Variants in TMC2 observed in about 807,000 individuals in gnomAD.
The protein encoded by TMC2 is transmembrane channel-like protein 2.
In TMC2, 102 loss-of-function variants were observed where a neutral mutation model predicts 105.9. The observed-to-expected ratio is 0.96, with a 90% CI of 0.82 to 1.14. The LOEUF (loss-of-function observed/expected upper bound fraction) is 1.14, where lower values mean the gene tolerates loss of function less well. Ranked by LOEUF, TMC2 falls within the 50% of genes most tolerant of loss-of-function variation. The pLI is 0.00. For synonymous variants in TMC2, 402 were observed against 422.8 expected, an observed-to-expected ratio of 0.95 and a Z score of 0.60; for missense variants, 1,093 against 1,134.3, an observed-to-expected ratio of 0.96 and a Z score of 0.52.
chr20:2,624,140 C>A (rs974696587), intron 16 of TMC2, 131 bp from the exon 17 acceptor site: 3 of 1,024,220 alleles, frequency 2.9e-6, no homozygotes, highest in African/African-American at 3.2e-5. Flanking sequence ...TCATTTGGAG[C>A]AGAGCTCTGG....
At chr20:2,581,097 CT>C (rs2086186023) in intron 7 of TMC2, among the ~76,000 whole-genome samples, 1 of 152,164 alleles carries the variant, frequency 6.6e-6, no homozygotes, top group African/African-American at 2.4e-5. Context: ...GACTTACTGA[CT>C]CCTATTTTGT....
Position 2,624,688 on chromosome 20 carries a change from G to A in TMC2, c.2306+292G>A, listed in dbSNP as rs904623373. Among the ~76,000 whole-genome samples, 10 of 152,284 alleles carry A rather than the reference G, an allele frequency of 6.6e-5. No individual in the cohort carries two copies. In the East Asian group the frequency reaches 1.4e-3, roughly 21 times the overall value. ...AGGCATTTATAGACCAGCTCCCAGC[G>A]TCATTCATGGGTAAAATGGCTTCAA... is the stretch of plus-strand genomic sequence containing the variant. On this transcript the variant is annotated intron_variant, in intron 17 of 19. Transcript: ENST00000358864.
intron 11 of TMC2, among the ~76,000 whole-genome samples, chr20:2,607,459 G>A (rs963885562): frequency 6.6e-6 from 1 of 152,170 alleles, no homozygotes; most frequent in African/African-American, 2.4e-5. Context: ...AAGAGGCCCA[G>A]GCTGTTTTAG....
chr20:2,566,367 A>G (rs755254657), intron 4 of TMC2, among the ~76,000 whole-genome samples: 1 of 152,192 alleles, frequency 6.6e-6, no homozygotes, highest in Admixed American at 6.5e-5. Flanking sequence ...CTGAGCCCTG[A>G]GAGATGAGGT....
chr20:2,582,837 A>G (rs2086204328), intron 7 of TMC2, among the ~76,000 whole-genome samples: 2 of 152,178 alleles, frequency 1.3e-5, no homozygotes, highest in South Asian at 2.1e-4. Flanking sequence ...CAAACTCTCA[A>G]TACCACTTTA....
intron 10 of TMC2, among the ~76,000 whole-genome samples, chr20:2,599,132 A>T (rs1055060165): frequency 3.3e-5 from 5 of 151,868 alleles, no homozygotes; most frequent in Admixed American, 3.3e-4. Flanking sequence ...CCTGACCTCA[A>T]ATGATCCACC....
chr20:2,558,242 G>C lies in TMC2; in HGVS notation c.83-214G>C. 1 of 1,187,280 alleles carries C rather than the reference G, an allele frequency of 8.4e-7. No homozygotes were observed. The highest frequency in any genetic ancestry group is 1.1e-6 in the Non-Finnish European group (1 of 875,790). The allele number at this position is 1,187,280 out of a possible 1,614,324, so 73.5% of individuals were successfully genotyped here. ...GGGAGACGGGAGGGAGAAGGCCAGAGAGTGACCTTCCTGCTTCTGCAGTTT... is the reference window on the plus strand; with the variant it reads ...GGGAGACGGGAGGGAGAAGGCCAGACAGTGACCTTCCTGCTTCTGCAGTTT... On this transcript the variant is annotated intron_variant, in intron 2 of 19. Coordinates refer to ENST00000358864, the MANE Select transcript of TMC2 (RefSeq NM_080751.3). The surrounding 1 kb of genome is among the most constrained non-coding windows in gnomAD (Gnocchi z 4.6).
intron 2 of TMC2, among the ~76,000 whole-genome samples, chr20:2,539,350 G>T (rs768255742): frequency 6.6e-6 from 1 of 152,138 alleles, no homozygotes; most frequent in Non-Finnish European, 1.5e-5. Context: ...TGTGAATTTC[G>T]TTCAGTTGGA....
chr20:2,622,493 C>G (rs1227465449), intron 16 of TMC2, among the ~76,000 whole-genome samples: 1 of 152,084 alleles, frequency 6.6e-6, no homozygotes, highest in Non-Finnish European at 1.5e-5. Context: ...CATGGCGAAA[C>G]CCCGTCTCTA....
At chr20:2,552,240 A>G (rs1346840392) in intron 2 of TMC2, among the ~76,000 whole-genome samples, 17 of 152,380 alleles carry the variant, frequency 1.1e-4, no homozygotes, top group Admixed American at 9.1e-4. Flanking sequence ...CCTGAGCAAC[A>G]GAATGAGACC....
intron 4 of TMC2, among the ~76,000 whole-genome samples, chr20:2,571,388 C>T (rs2086101518): frequency 1.3e-5 from 2 of 152,214 alleles, no homozygotes; most frequent in South Asian, 2.1e-4. Context: ...CTCCAACAAA[C>T]ATATGAGAAA....
chr20:2,587,756 A>G (rs1211691347), intron 7 of TMC2, among the ~76,000 whole-genome samples: 1 of 152,208 alleles, frequency 6.6e-6, no homozygotes, highest in Non-Finnish European at 1.5e-5. Context: ...TTTGGTGAGA[A>G]CACTTAAAAT....
intron 4 of TMC2, among the ~76,000 whole-genome samples, chr20:2,569,947 A>T (rs1163230402): frequency 6.6e-6 from 1 of 152,236 alleles, no homozygotes; most frequent in Non-Finnish European, 1.5e-5. Context: ...TCATGATAAA[A>T]GCCTCCAACA....
In TMC2 at chr20:2,572,255, A is replaced by G; in HGVS notation, c.631A>G (p.Met211Val). The change falls in exon 5 of 20, where the codon ATG (methionine) becomes GTG (valine). Residue 211 changes from methionine to valine, a missense_variant. By Grantham distance (21) the Met-to-Val change is conservative. Coordinates refer to ENST00000358864, the MANE Select transcript of TMC2 (RefSeq NM_080751.3). ...GKGKQLYAYKMLMAKKWVKFK... is the reference protein window; with the variant it reads ...GKGKQLYAYKVLMAKKWVKFK... ...AGGCAAGCAACTATATGCCTACAAG[A>G]TGCTGATGGCCAAGGTGTGTGGGGT... 1 of 1,612,816 alleles carries G rather than the reference A, an allele frequency of 6.2e-7. No homozygotes were observed. The highest frequency in any genetic ancestry group is 8.5e-7 in the Non-Finnish European group (1 of 1,179,192).
intron 2 of TMC2, among the ~76,000 whole-genome samples, chr20:2,544,794 T>C (rs1268936028): frequency 6.6e-6 from 1 of 152,170 alleles, no homozygotes; most frequent in African/African-American, 2.4e-5. Flanking sequence ...GTGCAGTGGT[T>C]CACACCTGTA....
chr20:2,545,857 A>AAG (rs1365326194), intron 2 of TMC2, among the ~76,000 whole-genome samples: 8 of 141,268 alleles, frequency 5.7e-5, no homozygotes, highest in African/African-American at 1.0e-4. Context: ...AAGAAAGAGA[A>AAG]AGAAAGAAAA....
At chr20:2,632,443 A>G (rs1200940611) in intron 17 of TMC2, among the ~76,000 whole-genome samples, 1 of 152,124 alleles carries the variant, frequency 6.6e-6, no homozygotes, top group Admixed American at 6.6e-5. Context: ...CTTTGATCAT[A>G]TTTAACATAA....
intron 16 of TMC2, among the ~76,000 whole-genome samples, chr20:2,621,361 C>T (rs1312588999): frequency 8.2e-6 from 1 of 121,754 alleles, no homozygotes; most frequent in Non-Finnish European, 1.7e-5. Flanking sequence ...GACTCCATCT[C>T]AACAACAACA....
intron 4 of TMC2, 30 bp from the exon 5 acceptor site, chr20:2,572,149 A>C: frequency 6.6e-7 from 1 of 1,516,022 alleles, no homozygotes. Context: ...TGCTAACTGA[A>C]ATCCTGCTTT....
Sources: allele counts gnomAD v4.1 joint callset (sites outside exome capture counted in the v4.1 genomes callset), GRCh38; gene constraint gnomAD v4.1.1; non-coding constraint Gnocchi (gnomAD v3.1); transcripts MANE v1.5; gene names NCBI Gene and HGNC (gene_info 2026-07-23, HGNC 2026-07-21).